The following ERMAP variants were observed in gnomAD, a reference collection of about 807,000 sequenced individuals.
ERMAP encodes erythroblast membrane associated protein (Scianna blood group).
Under a neutral mutation model 49.5 loss-of-function variants are expected in ERMAP, and 34 were observed. The observed-to-expected ratio is 0.69, with a 90% CI of 0.52 to 0.91. The LOEUF (loss-of-function observed/expected upper bound fraction) is 0.91, where lower values mean the gene tolerates loss of function less well. ERMAP is among the 40% of genes least tolerant of loss of function. The pLI is 0.00. For missense variants in ERMAP, 541 were observed against 582.6 expected, an observed-to-expected ratio of 0.93 and a Z score of 0.74; for synonymous variants, 214 against 232.2, an observed-to-expected ratio of 0.92 and a Z score of 0.71.
intron 1 of ERMAP, among the ~76,000 whole-genome samples, chr1:42,824,095 A>T (rs1170205596): frequency 3.3e-5 from 5 of 152,212 alleles, no homozygotes; most frequent in Non-Finnish European, 7.3e-5. Flanking sequence ...CTGTAATCCC[A>T]GCACTTTGGG....
chr1:42,834,883 T>C, intron 4 of ERMAP, 155 bp from the exon 5 acceptor site: 1 of 646,226 alleles, frequency 1.5e-6, no homozygotes, highest in Non-Finnish European at 2.8e-6. Context: ...ATCCAGGGCT[T>C]GAGTTATCAG....
intron 4 of ERMAP, 39 bp downstream of exon 4, chr1:42,831,154 A>C: frequency 2.5e-6 from 4 of 1,596,222 alleles, no homozygotes; most frequent in Non-Finnish European, 3.4e-6. Context: ...CATTTGTGGC[A>C]ATTGGACAAG....
chr1:42,825,448 G>A, intron 1 of ERMAP, 175 bp from the exon 2 acceptor site: 1 of 1,154,234 alleles, frequency 8.7e-7, no homozygotes, highest in Non-Finnish European at 1.1e-6. Context: ...CATACTCAGT[G>A]GTTCCCTCAT....
chr1:42,822,826 C>T (rs1437651238), intron 1 of ERMAP, among the ~76,000 whole-genome samples: 3 of 152,088 alleles, frequency 2.0e-5, no homozygotes, highest in Non-Finnish European at 4.4e-5. Flanking sequence ...ATGAGATTAA[C>T]TTTTTCTTTT....
intron 1 of ERMAP, among the ~76,000 whole-genome samples, chr1:42,821,241 T>G (rs901028765): frequency 6.6e-6 from 1 of 152,244 alleles, no homozygotes; most frequent in East Asian, 1.9e-4. Context: ...ATTGTCATTT[T>G]AGATCATTTT....
intron 1 of ERMAP, among the ~76,000 whole-genome samples, chr1:42,823,913 C>T (rs1433058473): frequency 6.6e-6 from 1 of 152,136 alleles, no homozygotes; most frequent in Non-Finnish European, 1.5e-5. Context: ...AGGCAAATAA[C>T]GTCTTTATTA....
intron 7 of ERMAP, among the ~76,000 whole-genome samples, chr1:42,838,687 G>T (rs766247325): frequency 1.8e-4 from 28 of 152,070 alleles, no homozygotes; most frequent in Non-Finnish European, 3.7e-4. Context: ...GGGGAAGGAG[G>T]AACCAAAGTC....
intron 1 of ERMAP, chr1:42,824,816 C>T (rs535008678): frequency 1.3e-5 from 2 of 152,326 alleles, no homozygotes; most frequent in African/African-American, 4.8e-5. Context: ...GAGGTGTTAG[C>T]TTTGGTGAAC....
chr1:42,842,981 C>T lies in ERMAP; in HGVS notation c.1177C>T (p.Pro393Ser), dbSNP rs778123280. 3.7e-6 allele frequency: 6 copies of T among 1,614,206 alleles called. No homozygotes were observed. In the East Asian group the frequency reaches 1.3e-4, roughly 36 times the overall value. Residue 393 changes from proline (P) to serine (S), a missense_variant, in exon 12 of 12, where the codon CCT (proline) becomes TCT (serine). Pro to Ser is a moderately conservative substitution (Grantham distance 74). Coordinates refer to ENST00000372517, the MANE Select transcript of ERMAP (RefSeq NM_001017922.2). ...FTHNFSGPLRPFFEPCLHDGG... is the reference protein window; with the variant it reads ...FTHNFSGPLRSFFEPCLHDGG... ...CCACAATTTCTCTGGCCCCCTTCGC[C>T]CTTTCTTTGAACCTTGCCTTCATGA...
Position 42,840,182 on chromosome 1 carries a change from A to T in ERMAP, c.685+4A>T. On this transcript the variant is annotated splice_donor_region_variant and intron_variant, in intron 10 of 11. Transcript: ENST00000372517. ...AAAAGAGCTGCAGCAAACTCAGGTG[A>T]GATGCACTTTCTCCACATTTGACCA... is the stretch of plus-strand genomic sequence containing the variant. 1 of 1,614,164 alleles carries T rather than the reference A, an allele frequency of 6.2e-7. No homozygotes were observed. The highest frequency in any genetic ancestry group is 8.5e-7 in the Non-Finnish European group (1 of 1,180,022).
chr1:42,837,931 C>G (rs2124349236), intron 7 of ERMAP: 1 of 152,514 alleles, frequency 6.6e-6, no homozygotes, highest in South Asian at 2.1e-4. Context: ...CTGGCAGACA[C>G]TGGCTGTTCT....
At position 42,830,498 on chromosome 1, in the gene ERMAP, C is replaced by G. The variant is rs777451855; in HGVS notation, c.50C>G (p.Pro17Arg). The G allele has an allele frequency of 1.2e-6, 2 of 1,614,194 alleles. No individual in the cohort carries two copies. Among genetic ancestry groups the G allele is most frequent in the East Asian group, 2.2e-5 (1 of 44,880 alleles). Residue 17 changes from proline (P) to arginine (R), a missense_variant, in exon 3 of 12, where the codon CCT becomes CGT. Transcript: ENST00000372517. ...TCCTGGCTCTCTGGCTGCCTCATCC[C>G]TCTCGTCTTCCTCCGGCTGTCTGTG... is the stretch of plus-strand genomic sequence containing the variant. ...AGSWLSGCLI[P>R]LVFLRLSVHV...
At chr1:42,831,447 G>A (rs1570537140) in intron 4 of ERMAP, among the ~76,000 whole-genome samples, 1 of 151,992 alleles carries the variant, frequency 6.6e-6, no homozygotes, top group South Asian at 2.1e-4. Flanking sequence ...TTACATGGCT[G>A]TAAAGAAATG....
chr1:42,839,162 C>T lies in ERMAP; in HGVS notation c.637+241C>T, dbSNP rs1317791270. On this transcript the variant is annotated intron_variant, in intron 8 of 11. Coordinates refer to ENST00000372517, the MANE Select transcript of ERMAP (RefSeq NM_001017922.2). Reference sequence around the variant, plus strand: ...ACGTTTCACCAGGAAGAGATAGATGCATCTCCCATAGGTGAAGCCATCTGG... The same window carrying T: ...ACGTTTCACCAGGAAGAGATAGATGTATCTCCCATAGGTGAAGCCATCTGG... 18 of 614,902 alleles carry T rather than the reference C, an allele frequency of 2.9e-5. No homozygotes were observed. The Admixed American group carries it at 4.9e-4, about 17-fold the overall frequency. The allele number at this position is 614,902 out of a possible 1,614,324, so 38.1% of individuals were successfully genotyped here. A position where few individuals can be genotyped will look rare whatever the true frequency, so the allele number is the denominator to read the frequency against.
chr1:42,824,680 A>G (rs368958255), intron 1 of ERMAP: 6 of 152,282 alleles, frequency 3.9e-5, no homozygotes, highest in African/African-American at 1.4e-4. Flanking sequence ...GCTACTTACC[A>G]CTATGAACCA....
At chr1:42,839,906 G>T in intron 8 of ERMAP, 127 bp from the exon 9 acceptor site, 1 of 938,628 alleles carries the variant, frequency 1.1e-6, no homozygotes, top group Non-Finnish European at 1.7e-6. Flanking sequence ...AAACTCTTCT[G>T]GGGAAGTTCC....
At chr1:42,817,668 A>C (rs1654284292) in intron 1 of ERMAP, 1 of 153,268 alleles carries the variant, frequency 6.5e-6, no homozygotes, top group Admixed American at 6.5e-5. Context: ...GTTTATTGGG[A>C]GGATCAAGTG....
chr1:42,837,218 G>A, intron 7 of ERMAP, 28 bp downstream of exon 7: 2 of 1,604,850 alleles, frequency 1.2e-6, no homozygotes, highest in East Asian at 2.2e-5. Context: ...TAAGGGGTAG[G>A]GAACAAAAAA....
chr1:42,835,111 C>A lies in ERMAP; in HGVS notation c.507C>A (p.Ile169=). 3 of 1,574,736 alleles carry A rather than the reference C, an allele frequency of 1.9e-6. No homozygotes were observed. The highest frequency in any genetic ancestry group is 2.6e-6 in the Non-Finnish European group (3 of 1,143,958). ...AVILPVLVLL[I]MVCLCLIWKQ... is the part of the protein sequence containing the mutation. The stretch of plus-strand genomic sequence containing the variant: ...TCCTGCCTGTCCTGGTACTTCTCAT[C>A]ATGGTGTGCCTTTGCCTTATCTGGA... Residue 169 remains isoleucine, a synonymous_variant, in exon 5 of 12, where the codon ATC becomes ATA. Transcript: ENST00000372517.
Sources: allele counts gnomAD v4.1 joint callset (sites outside exome capture counted in the v4.1 genomes callset), GRCh38; gene constraint gnomAD v4.1.1; transcripts MANE v1.5; gene names NCBI Gene and HGNC (gene_info 2026-07-23, HGNC 2026-07-21).